Variants in CCDC178 observed in about 807,000 individuals in gnomAD.
CCDC178 encodes the protein coiled-coil domain-containing protein 178.
CCDC178 carries 126 observed loss-of-function variants against 117.4 expected under a neutral mutation model. The ratio of observed to expected loss-of-function variants is 1.07; its 90% CI spans 0.93 to 1.24. CCDC178 has a LOEUF of 1.24. Among genes scored for constraint, CCDC178 ranks in the 50% most tolerant of loss-of-function variants. The pLI is 0.00. For synonymous variants in CCDC178, 283 were observed against 313.4 expected (o/e 0.90, Z 1.02); for missense variants, 1,030 against 986.9 (o/e 1.04, Z -0.59).
chr18:33,138,053 C>A (rs371359213), intron 20 of CCDC178, among the ~76,000 whole-genome samples: 1 of 152,088 alleles, frequency 6.6e-6, no homozygotes, highest in Non-Finnish European at 1.5e-5. Context: ...TAATGCCTAA[C>A]CTAGTCTCAC....
intron 15 of CCDC178, among the ~76,000 whole-genome samples, chr18:33,231,631 G>A (rs1163168534): frequency 6.6e-6 from 1 of 152,162 alleles, no homozygotes; most frequent in Non-Finnish European, 1.5e-5. Context: ...GGGACAGGCA[G>A]GCAGAGCTGC....
chr18:33,319,871 C>A (rs2062478962), intron 11 of CCDC178, among the ~76,000 whole-genome samples: 1 of 152,154 alleles, frequency 6.6e-6, no homozygotes, highest in Non-Finnish European at 1.5e-5. Flanking sequence ...CCTTTGCCAA[C>A]TTTTTGATGG....
At chr18:33,114,659 T>C (rs980754469) in intron 20 of CCDC178, among the ~76,000 whole-genome samples, 24 of 152,114 alleles carry the variant, frequency 1.6e-4, no homozygotes, top group African/African-American at 4.1e-4. Context: ...TTTGGCAATA[T>C]GTAGATTAAA....
intron 22 of CCDC178, among the ~76,000 whole-genome samples, chr18:32,949,226 GTTTCT>G (rs2054422126): frequency 6.6e-6 from 1 of 152,012 alleles, no homozygotes; most frequent in Non-Finnish European, 1.5e-5. Context: ...CCTTGGTATA[GTTTCT>G]TACATATCTT....
At chr18:33,120,609 A>T (rs895624591) in intron 20 of CCDC178, among the ~76,000 whole-genome samples, 1 of 152,168 alleles carries the variant, frequency 6.6e-6, no homozygotes, top group African/African-American at 2.4e-5. Context: ...ATGCTTGCTG[A>T]GGGTAAAAGA....
chr18:33,217,434 A>G (rs2059180149), intron 18 of CCDC178, among the ~76,000 whole-genome samples: 1 of 151,908 alleles, frequency 6.6e-6, no homozygotes. Context: ...TATTTAATTC[A>G]CTGTGTATAT....
intron 21 of CCDC178, among the ~76,000 whole-genome samples, chr18:32,978,024 C>G (rs961216924): frequency 1.3e-5 from 2 of 152,008 alleles, no homozygotes; most frequent in African/African-American, 4.8e-5. Flanking sequence ...TTTTCTACAG[C>G]CACAAGTCAA....
At chr18:33,346,158 A>C (rs1228607543) in intron 9 of CCDC178, 53 bp downstream of exon 9, 9 of 1,353,056 alleles carry the variant, frequency 6.7e-6, no homozygotes, top group Admixed American at 2.0e-5. Context: ...CCTGTAATTA[A>C]TTATCTGTGC....
chr18:33,339,722 GA>G (rs780592992), intron 9 of CCDC178, among the ~76,000 whole-genome samples: 2 of 151,928 alleles, frequency 1.3e-5, no homozygotes, highest in African/African-American at 2.4e-5. Flanking sequence ...TAAGTTTCAT[GA>G]GATCTGATGG....
rs184958311 is a variant in CCDC178 at position 33,058,235 on chromosome 18, G to A, written c.2388+34526C>T. On this transcript the variant is annotated intron_variant, in intron 21 of 22. Coordinates refer to ENST00000383096, the MANE Select transcript of CCDC178 (RefSeq NM_001105528.4). ...CAGCATTATTCAAGAGTCAAAAAAT[G>A]GAAACAACATAAATGTCCATCACCT... 2.6e-5 allele frequency among the ~76,000 whole-genome samples: 4 copies of A among 152,192 alleles called. No individual in the cohort carries two copies. In the East Asian group the frequency reaches 7.7e-4, roughly 29 times the overall value.
intron 21 of CCDC178, among the ~76,000 whole-genome samples, chr18:33,057,771 G>C (rs2056855835): frequency 6.6e-6 from 1 of 152,100 alleles, no homozygotes; most frequent in African/African-American, 2.4e-5. Context: ...TGAGATTACA[G>C]GTGTGAGACA....
At chr18:32,945,493 T>C (rs1191331418) in intron 22 of CCDC178, among the ~76,000 whole-genome samples, 1 of 152,220 alleles carries the variant, frequency 6.6e-6, no homozygotes, top group East Asian at 1.9e-4. Flanking sequence ...TTGTTTACTT[T>C]TGTTACATAT....
intron 11 of CCDC178, among the ~76,000 whole-genome samples, chr18:33,300,034 C>T (rs758147477): frequency 1.8e-4 from 28 of 152,172 alleles, no homozygotes; most frequent in Admixed American, 8.5e-4. Context: ...GGAGCTGTTT[C>T]GGTCATGGGG....
At chr18:33,364,405 A>G (rs1037301481) in intron 6 of CCDC178, among the ~76,000 whole-genome samples, 1 of 152,230 alleles carries the variant, frequency 6.6e-6, no homozygotes, top group Middle Eastern at 3.4e-3. Flanking sequence ...TACTAAATAT[A>G]GACAACTTTC....
intron 20 of CCDC178, among the ~76,000 whole-genome samples, chr18:33,158,074 T>G (rs927961614): frequency 9.9e-5 from 15 of 152,170 alleles, no homozygotes; most frequent in African/African-American, 3.6e-4. Flanking sequence ...AGCTTCTTGA[T>G]AGTAGTGTTT....
chr18:33,281,850 T>C (rs764940267), intron 12 of CCDC178, among the ~76,000 whole-genome samples: 1 of 152,232 alleles, frequency 6.6e-6, no homozygotes, highest in African/African-American at 2.4e-5. Flanking sequence ...TAAAAAGTTT[T>C]AGAGATATTT....
At chr18:33,336,245 T>A (rs984230857) in intron 9 of CCDC178, among the ~76,000 whole-genome samples, 1 of 152,080 alleles carries the variant, frequency 6.6e-6, no homozygotes. Flanking sequence ...ACCTTTGGAT[T>A]CTCATTTTTA....
At chr18:33,107,204 C>A (rs1233035328) in intron 20 of CCDC178, among the ~76,000 whole-genome samples, 2 of 151,440 alleles carry the variant, frequency 1.3e-5, no homozygotes, top group African/African-American at 4.8e-5. Flanking sequence ...AATGTGGCAA[C>A]CCAGGTAACT....
rs7229947 is a variant in CCDC178, at chr18:33,137,424, T to C, written c.2239-44514A>G. Among the ~76,000 whole-genome samples the C allele has an allele frequency of 7.4e-3, 1,122 of 152,312 alleles. 19 individuals carry two copies. Among genetic ancestry groups the C allele is most frequent in the African/African-American group, 0.025 (1,059 of 41,568 alleles). On this transcript the variant is annotated intron_variant, in intron 20 of 22. Transcript: ENST00000383096. ...ATATTAATAGTAATGTAAATTTTTATTTTAGCAATTGTGTATTTACACCAT... is the reference window on the plus strand; with the variant it reads ...ATATTAATAGTAATGTAAATTTTTACTTTAGCAATTGTGTATTTACACCAT...
Sources: gnomAD v4.1 joint callset for allele counts (sites outside exome capture counted in the v4.1 genomes callset) on GRCh38, gnomAD v4.1.1 for gene constraint, MANE v1.5 for transcripts, NCBI Gene and HGNC (gene_info 2026-07-23, HGNC 2026-07-21) for gene names.